Variants in NELL1 observed in about 807,000 individuals in gnomAD.
The protein encoded by NELL1 is protein kinase C-binding protein NELL1.
In NELL1, 76 loss-of-function variants were observed where a neutral mutation model predicts 107.4. The observed-to-expected ratio is 0.71, with a 90% confidence interval of 0.59 to 0.86. NELL1 has a LOEUF of 0.86. Ranked by LOEUF, NELL1 falls within the 40% of genes least tolerant of loss-of-function variation. NELL1 has a pLI of 0.00. For synonymous variants in NELL1, 353 were observed against 341.2 expected, an observed-to-expected ratio of 1.03 and a Z score of -0.38; for missense variants, 1,024 against 1,005.5, an observed-to-expected ratio of 1.02 and a Z score of -0.25.
chr11:20,804,166 A>G (rs1280074039), intron 3 of NELL1, among the ~76,000 whole-genome samples: 1 of 152,160 alleles, frequency 6.6e-6, no homozygotes, highest in Non-Finnish European at 1.5e-5. Flanking sequence ...CTTTTGCTGT[A>G]TCATGTAGGT....
At chr11:21,341,873 C>A (rs1850575904) in intron 14 of NELL1, among the ~76,000 whole-genome samples, 1 of 152,098 alleles carries the variant, frequency 6.6e-6, no homozygotes, top group Non-Finnish European at 1.5e-5. Flanking sequence ...GAGAAGAAAT[C>A]AATTGAGATC....
At chr11:21,041,598 G>A (rs945488686) in intron 12 of NELL1, among the ~76,000 whole-genome samples, 1 of 152,132 alleles carries the variant, frequency 6.6e-6, no homozygotes, top group Non-Finnish European at 1.5e-5. Context: ...GCAGAAGTGG[G>A]ATTTGAGCTC....
chr11:21,091,097 A>C (rs1324506783), intron 12 of NELL1, among the ~76,000 whole-genome samples: 1 of 152,234 alleles, frequency 6.6e-6, no homozygotes, highest in African/African-American at 2.4e-5. Context: ...TTTATATGAC[A>C]TAGATTTTGC....
chr11:20,796,340 T>C (rs1171347542), intron 3 of NELL1, among the ~76,000 whole-genome samples: 1 of 152,212 alleles, frequency 6.6e-6, no homozygotes, highest in Non-Finnish European at 1.5e-5. Flanking sequence ...TAAAATTGAT[T>C]GAAGAATATC....
intron 14 of NELL1, among the ~76,000 whole-genome samples, chr11:21,302,515 A>G (rs553383000): frequency 6.6e-6 from 1 of 152,124 alleles, no homozygotes; most frequent in Admixed American, 6.6e-5. Context: ...TTAAAAAAGA[A>G]TCTACATGAA....
chr11:21,064,652 A>G (rs1239436742), intron 12 of NELL1, among the ~76,000 whole-genome samples: 1 of 152,028 alleles, frequency 6.6e-6, no homozygotes, highest in Non-Finnish European at 1.5e-5. Context: ...TGGAGGTTCT[A>G]TGGAGGAAGG....
At chr11:21,472,659 G>GAAA (rs915637144) in intron 15 of NELL1, among the ~76,000 whole-genome samples, 3 of 151,870 alleles carry the variant, frequency 2.0e-5, no homozygotes, top group Non-Finnish European at 4.4e-5. Context: ...GCAATTCCTA[G>GAAA]AAAAAAACTA....
intron 14 of NELL1, among the ~76,000 whole-genome samples, chr11:21,360,541 T>G (rs1055064105): frequency 6.6e-6 from 1 of 152,130 alleles, no homozygotes; most frequent in Non-Finnish European, 1.5e-5. Flanking sequence ...TATTTTTTCT[T>G]TGTTGACTTT....
At chr11:20,806,420 C>G (rs563035826) in intron 3 of NELL1, among the ~76,000 whole-genome samples, 1 of 152,020 alleles carries the variant, frequency 6.6e-6, no homozygotes, top group East Asian at 1.9e-4. Flanking sequence ...TATTGGAGCT[C>G]CATTGTATGT....
intron 13 of NELL1, among the ~76,000 whole-genome samples, chr11:21,134,110 G>C (rs1248693355): frequency 1.3e-5 from 2 of 152,226 alleles, no homozygotes; most frequent in Non-Finnish European, 2.9e-5. Flanking sequence ...TATGACTTTG[G>C]GGAAGACACT....
intron 12 of NELL1, among the ~76,000 whole-genome samples, chr11:20,988,389 A>G (rs890974394): frequency 1.3e-5 from 2 of 151,108 alleles, no homozygotes; most frequent in Non-Finnish European, 2.9e-5. Flanking sequence ...ATATATGTGT[A>G]TATATATACA....
chr11:20,742,077 C>T (rs752606675), intron 2 of NELL1, among the ~76,000 whole-genome samples: 1 of 152,198 alleles, frequency 6.6e-6, no homozygotes, highest in Non-Finnish European at 1.5e-5. Context: ...ATTGTTATTA[C>T]TAGCTGGGGC....
At chr11:20,952,952 C>T (rs1001796331) in intron 11 of NELL1, among the ~76,000 whole-genome samples, 14 of 152,198 alleles carry the variant, frequency 9.2e-5, no homozygotes, top group African/African-American at 3.1e-4. Context: ...GCCCTACCTT[C>T]TGTCCACAAA....
chr11:21,573,817 T>C (rs919279052), intron 19 of NELL1, among the ~76,000 whole-genome samples: 2 of 149,164 alleles, frequency 1.3e-5, no homozygotes, highest in African/African-American at 5.1e-5. Context: ...ACCAGTCAAC[T>C]TCCTTTCATC....
chr11:20,890,190 T>G (rs1420374204), intron 5 of NELL1, among the ~76,000 whole-genome samples: 6 of 151,992 alleles, frequency 3.9e-5, no homozygotes, highest in Admixed American at 3.9e-4. Flanking sequence ...AAGTGACATC[T>G]CCAGGCATGG....
At chr11:20,831,380 T>C (rs1173679845) in intron 3 of NELL1, among the ~76,000 whole-genome samples, 1 of 152,188 alleles carries the variant, frequency 6.6e-6, no homozygotes, top group Non-Finnish European at 1.5e-5. Context: ...GGAACACTTT[T>C]AAAGTGTTTA....
chr11:21,367,460 T>A (rs1027215366), intron 14 of NELL1, among the ~76,000 whole-genome samples: 13 of 151,876 alleles, frequency 8.6e-5, no homozygotes, highest in Middle Eastern at 3.4e-3. Flanking sequence ...GGCACTAAGT[T>A]AAGGAAGGAG....
At chr11:21,307,932 C>G (rs1460638389) in intron 14 of NELL1, among the ~76,000 whole-genome samples, 1 of 151,762 alleles carries the variant, frequency 6.6e-6, no homozygotes, top group East Asian at 1.9e-4. Flanking sequence ...TTTATTGCAC[C>G]TCAGAAAGAT....
At chr11:21,039,863 C>A (rs1372474990) in intron 12 of NELL1, among the ~76,000 whole-genome samples, 1 of 152,046 alleles carries the variant, frequency 6.6e-6, no homozygotes, top group African/African-American at 2.4e-5. Context: ...TTAACCCACA[C>A]CTTTCTTGGC....
Sources: gnomAD v4.1 joint callset for allele counts (sites outside exome capture counted in the v4.1 genomes callset) on GRCh38, gnomAD v4.1.1 for gene constraint, MANE v1.5 for transcripts, NCBI Gene and HGNC (gene_info 2026-07-23, HGNC 2026-07-21) for gene names.